Variants in MIPEP observed in about 807,000 individuals in gnomAD.
The protein encoded by MIPEP is mitochondrial intermediate peptidase.
In MIPEP, 79 loss-of-function variants were observed where a neutral mutation model predicts 90.3. The observed-to-expected ratio is 0.87, with a 90% CI of 0.73 to 1.05. The LOEUF is 1.05. MIPEP is among the 50% of genes least tolerant of loss of function. The probability of loss-of-function intolerance (pLI) is 0.00; values close to 1 mark genes in which losing one functional copy is unlikely to be tolerated. For missense variants in MIPEP, 940 were observed against 905.6 expected (o/e 1.04, Z -0.49); for synonymous variants, 334 against 315.8 (o/e 1.06, Z -0.61).
chr13:23,835,800 G>A (rs1451310095), intron 14 of MIPEP, among the ~76,000 whole-genome samples: 1 of 152,178 alleles, frequency 6.6e-6, no homozygotes, highest in Non-Finnish European at 1.5e-5. Flanking sequence ...GAGATGCTAA[G>A]CATACTGGCA....
At chr13:23,733,443 G>T (rs1845290477) in intron 18 of MIPEP, among the ~76,000 whole-genome samples, 1 of 152,210 alleles carries the variant, frequency 6.6e-6, no homozygotes, top group South Asian at 2.1e-4. Flanking sequence ...GCAACCAACA[G>T]AAAAGGAAGG....
At chr13:23,750,794 T>C (rs374029762) in intron 18 of MIPEP, among the ~76,000 whole-genome samples, 7 of 152,248 alleles carry the variant, frequency 4.6e-5, no homozygotes, top group Non-Finnish European at 8.8e-5. Flanking sequence ...TATGGACTCA[T>C]GGATATGTAT....
chr13:23,747,790 G>A (rs1593130143), intron 18 of MIPEP, among the ~76,000 whole-genome samples: 1 of 152,188 alleles, frequency 6.6e-6, no homozygotes, highest in Non-Finnish European at 1.5e-5. Context: ...GCCCGCACTG[G>A]AGTGCAGTGG....
chr13:23,884,345 A>T (rs868651026), intron 2 of MIPEP, among the ~76,000 whole-genome samples: 5 of 152,220 alleles, frequency 3.3e-5, no homozygotes, highest in South Asian at 4.1e-4. Context: ...CCTCCAAAAG[A>T]AGTCAATTTT....
chr13:23,763,220 T>C lies in MIPEP; in HGVS notation c.1849-3003A>G, dbSNP rs1277778236. 2.0e-5 allele frequency among the ~76,000 whole-genome samples: 3 copies of C among 152,198 alleles called. No homozygotes were observed. In the East Asian group the frequency reaches 5.8e-4, roughly 29 times the overall value. On this transcript the variant is annotated intron_variant, in intron 16 of 18. Transcript: ENST00000382172. Reference sequence around the variant, plus strand: ...TATGCTGGAATCCTAATCTACTAAATGATGAGAACTCATGGACCACTGGTA... The same window carrying C: ...TATGCTGGAATCCTAATCTACTAAACGATGAGAACTCATGGACCACTGGTA...
intron 3 of MIPEP, 108 bp downstream of exon 3, chr13:23,881,591 C>A: frequency 1.1e-6 from 1 of 941,388 alleles, no homozygotes; most frequent in Non-Finnish European, 1.7e-6. Flanking sequence ...ACCTCCCACC[C>A]TGCTGGGTGA....
At chr13:23,781,391 G>C (rs1006619437) in intron 16 of MIPEP, among the ~76,000 whole-genome samples, 4 of 152,110 alleles carry the variant, frequency 2.6e-5, no homozygotes, top group African/African-American at 9.7e-5. Flanking sequence ...ATACTTTACA[G>C]ACAAGCAAAT....
rs149802415 is a variant in MIPEP at position 23,836,280 on chromosome 13, C to T, written c.1613G>A (p.Arg538Gln). ...ILMEYFANDY[R>Q]VVNQFARHYQ... ...ATGTCTGGCAAATTGGTTAACTACT[C>T]GATAATCATTTGCAAAGTACTCCAT... The change falls in exon 14 of 19, where the codon CGA becomes CAA. Residue 538 changes from arginine to glutamine, a missense_variant. Arg to Gln is a conservative substitution (Grantham distance 43). Coordinates refer to ENST00000382172, the MANE Select transcript of MIPEP (RefSeq NM_005932.4). The T allele has an allele frequency of 1.0e-4, 168 of 1,605,244 alleles. No individual in the cohort carries two copies. The highest frequency in any genetic ancestry group is 1.4e-4 in the Non-Finnish European group (160 of 1,176,420).
chr13:23,737,254 C>T (rs1952276374), intron 18 of MIPEP, among the ~76,000 whole-genome samples: 1 of 152,176 alleles, frequency 6.6e-6, no homozygotes, highest in South Asian at 2.1e-4. Flanking sequence ...GGTGGCTTGG[C>T]CCAGCTGTGA....
intron 16 of MIPEP, among the ~76,000 whole-genome samples, chr13:23,784,692 T>G (rs561742311): frequency 5.3e-4 from 81 of 152,184 alleles, no homozygotes; most frequent in African/African-American, 1.9e-3. Flanking sequence ...ACCATCAGAG[T>G]GAACAGGCAA....
intron 10 of MIPEP, among the ~76,000 whole-genome samples, chr13:23,852,144 A>G (rs1481146708): frequency 2.0e-5 from 3 of 152,206 alleles, no homozygotes; most frequent in Non-Finnish European, 4.4e-5. Flanking sequence ...GAATTGCTCT[A>G]AAGTAAGAGA....
intron 10 of MIPEP, 67 bp downstream of exon 10, chr13:23,858,793 G>T: frequency 7.2e-7 from 1 of 1,398,580 alleles, no homozygotes; most frequent in Admixed American, 1.7e-5. Flanking sequence ...GTGGATGACA[G>T]TAGCTGCTGA....
intron 15 of MIPEP, among the ~76,000 whole-genome samples, chr13:23,809,105 A>C (rs1322367058): frequency 1.3e-5 from 2 of 152,200 alleles, no homozygotes; most frequent in African/African-American, 4.8e-5. Context: ...ATGGTTCATG[A>C]AAGTTTTCTG....
At chr13:23,798,754 T>C (rs1416089113) in intron 16 of MIPEP, among the ~76,000 whole-genome samples, 1 of 152,088 alleles carries the variant, frequency 6.6e-6, no homozygotes, top group Non-Finnish European at 1.5e-5. Context: ...GCTGCCATCA[T>C]GTAAGACACC....
chr13:23,780,889 A>T (rs1952774855), intron 16 of MIPEP, among the ~76,000 whole-genome samples: 1 of 152,216 alleles, frequency 6.6e-6, no homozygotes, highest in African/African-American at 2.4e-5. Flanking sequence ...TGAAGCGAGA[A>T]GAGAAGTTTA....
At chr13:23,771,317 C>T (rs1952647965) in intron 16 of MIPEP, among the ~76,000 whole-genome samples, 1 of 151,920 alleles carries the variant, frequency 6.6e-6, no homozygotes, top group South Asian at 2.1e-4. Context: ...GGACATCAGA[C>T]ACCTCTTTGT....
chr13:23,873,862 G>A (rs1479701034), intron 5 of MIPEP, among the ~76,000 whole-genome samples: 2 of 152,210 alleles, frequency 1.3e-5, no homozygotes, highest in African/African-American at 2.4e-5. Flanking sequence ...CTCATGGGCT[G>A]CTGGGAAGGC....
In MIPEP at chr13:23,858,916, C is replaced by A; in HGVS notation, c.1054-4G>T. On this transcript the variant is annotated splice_polypyrimidine_tract_variant and splice_region_variant and intron_variant, in intron 9 of 18. Transcript: ENST00000382172. ...GGGGGTCCCAGGGCATTACTTCCTA[C>A]AATGGAATAATTCACTGTTAAGGAA... 6.2e-7 allele frequency: 1 copy of A among 1,612,278 alleles called. No homozygotes were observed. Among genetic ancestry groups the A allele is most frequent in the Non-Finnish European group, 8.5e-7 (1 of 1,178,608 alleles).
rs1358697206 is a variant in MIPEP, at chr13:23,862,300, AC to A, written c.1053+1del. On this transcript the variant is annotated splice_donor_variant, in intron 9 of 18. Transcript: ENST00000382172. LOFTEE classifies it high-confidence loss of function. The stretch of plus-strand genomic sequence containing the variant: ...ATAATAAAAATATTCCAACATACTT[AC>A]GGAATTTTGAGGATTCAGTTTCATT... 1 of 1,526,116 alleles carries A rather than the reference AC, an allele frequency of 6.6e-7. No individual in the cohort carries two copies. The highest frequency in any genetic ancestry group is 1.2e-5 in the South Asian group (1 of 85,630). The allele number at this position is 1,526,116 out of a possible 1,614,324, so 94.5% of individuals were successfully genotyped here.
Sources: allele counts gnomAD v4.1 joint callset (sites outside exome capture counted in the v4.1 genomes callset), GRCh38; gene constraint gnomAD v4.1.1; transcripts MANE v1.5; gene names NCBI Gene and HGNC (gene_info 2026-07-23, HGNC 2026-07-21).